Variants in TRIM29 observed in about 807,000 individuals in gnomAD.
TRIM29 encodes the protein tripartite motif containing 29, also known as tripartite motif-containing protein 29.
In TRIM29, 52 loss-of-function variants were observed where a neutral mutation model predicts 57.3. The observed-to-expected ratio is 0.91, with a 90% CI of 0.73 to 1.14. The LOEUF (loss-of-function observed/expected upper bound fraction) is 1.14. TRIM29 is among the 50% of genes most tolerant of loss of function. The pLI, the probability that TRIM29 is intolerant of heterozygous loss-of-function variation, is 0.00. For synonymous variants in TRIM29, 319 were observed against 316.9 expected, an observed-to-expected ratio of 1.01 and a Z score of -0.07; for missense variants, 753 against 774.6, an observed-to-expected ratio of 0.97 and a Z score of 0.33.
chr11:120,137,179 G>A lies in TRIM29; in HGVS notation c.804+49C>T, dbSNP rs372885230. On this transcript the variant is annotated intron_variant, in intron 1 of 8. Coordinates refer to ENST00000341846, the MANE Select transcript of TRIM29 (RefSeq NM_012101.4). The surrounding 1 kb of genome is among the most constrained non-coding windows in gnomAD (Gnocchi z 6.2). ...GGAGAAGATGAAGTTCGGAGGGGTG[G>A]GGTGAGAGAGGAGAGGCCTGGAGGG... The A allele has an allele frequency of 5.0e-6, 8 of 1,593,436 alleles. No homozygotes were observed. In the African/African-American group the frequency reaches 9.4e-5, roughly 19 times the overall value.
chr11:120,124,611 A>T (rs550770935), intron 4 of TRIM29: 35 of 152,314 alleles, frequency 2.3e-4, no homozygotes, highest in African/African-American at 8.4e-4. Flanking sequence ...GCACTCAATC[A>T]TTGTCAGCTG....
chr11:120,116,775 C>T (rs983494991), intron 7 of TRIM29: 13 of 195,716 alleles, frequency 6.6e-5, no homozygotes, highest in Non-Finnish European at 1.1e-5. Context: ...AAGACACCCG[C>T]CTTGTGCAGC....
intron 6 of TRIM29, among the ~76,000 whole-genome samples, chr11:120,120,344 T>TACACACACACAC (rs71050727): frequency 7.2e-6 from 1 of 138,148 alleles, no homozygotes; most frequent in African/African-American, 2.8e-5. Context: ...CCCACACATG[T>TACACACACACAC]ACACACACAC....
At chr11:120,134,736 T>C (rs769108666) in intron 1 of TRIM29, among the ~76,000 whole-genome samples, 22 of 152,208 alleles carry the variant, frequency 1.4e-4, no homozygotes, top group Non-Finnish European at 2.2e-4. Context: ...CCCAATCCCA[T>C]CCCCTTGGGG....
At chr11:120,120,261 C>T (rs556874222) in intron 6 of TRIM29, among the ~76,000 whole-genome samples, 1 of 151,900 alleles carries the variant, frequency 6.6e-6, no homozygotes, top group East Asian at 1.9e-4. Flanking sequence ...ATCAGAAGAG[C>T]ACACAGACTC....
intron 7 of TRIM29, 77 bp downstream of exon 7, chr11:120,118,146 G>A: frequency 7.5e-7 from 1 of 1,331,604 alleles, no homozygotes; most frequent in Non-Finnish European, 1.1e-6. Flanking sequence ...TAGCAGCTCA[G>A]CGAAGAGACC....
chr11:120,113,403 A>AC (rs373238758), intron 8 of TRIM29: 2 of 290,984 alleles, frequency 6.9e-6, no homozygotes, highest in Non-Finnish European at 7.0e-6. Flanking sequence ...GCTGCTGCTC[A>AC]CCCACGCAAG....
At chr11:120,122,131 A>AGTGTGTGTGTGTGTGTGTGT (rs72245071) in intron 5 of TRIM29, 20 of 204,018 alleles carry the variant, frequency 9.8e-5, no homozygotes, top group Non-Finnish European at 6.3e-5. Context: ...TGTGTGTGTG[A>AGTGTGTGTGTGTGTGTGTGT]GTGTGTGTGT....
rs139060050 is a variant in TRIM29, at chr11:120,117,135, G to C, written c.1627+1088C>G. The C allele has an allele frequency of 5.6e-3, 1,692 of 304,334 alleles. 31 individuals carry two copies. Among genetic ancestry groups the C allele is most frequent in the African/African-American group, 0.035 (1,580 of 44,952 alleles). The allele number at this position is 304,334 out of a possible 1,614,324, so 18.9% of individuals were successfully genotyped here. On this transcript the variant is annotated intron_variant, in intron 7 of 8. Coordinates refer to ENST00000341846, the MANE Select transcript of TRIM29 (RefSeq NM_012101.4). The stretch of plus-strand genomic sequence containing the variant: ...AAAAGGACCCACACCTCATTCTGGG[G>C]GCTGCTCTGAATCACACCTGAGAGC...
At chr11:120,134,926 G>T (rs1000181594) in intron 1 of TRIM29, among the ~76,000 whole-genome samples, 10 of 152,168 alleles carry the variant, frequency 6.6e-5, no homozygotes, top group African/African-American at 2.4e-4. Context: ...ACTACGGTTT[G>T]ACGTTAACTT....
intron 1 of TRIM29, among the ~76,000 whole-genome samples, chr11:120,131,459 C>A (rs1246160133): frequency 6.6e-6 from 1 of 152,052 alleles, no homozygotes; most frequent in Non-Finnish European, 1.5e-5. Flanking sequence ...CCTGTGAGGG[C>A]AGGGCCAGAA....
chr11:120,114,321 C>T (rs1478953628), intron 8 of TRIM29, among the ~76,000 whole-genome samples: 1 of 152,224 alleles, frequency 6.6e-6, no homozygotes, highest in Non-Finnish European at 1.5e-5. Context: ...TTTCTGCAGT[C>T]CTGCTGTTGC....
At chr11:120,118,558 G>A (rs1436299432) in intron 6 of TRIM29, among the ~76,000 whole-genome samples, 2 of 152,120 alleles carry the variant, frequency 1.3e-5, no homozygotes, top group African/African-American at 4.8e-5. Context: ...CTCAGAATAA[G>A]GGACAAAGTC....
At chr11:120,122,870 C>T in intron 5 of TRIM29, 84 bp downstream of exon 5, 1 of 1,118,872 alleles carries the variant, frequency 8.9e-7, no homozygotes, top group Non-Finnish European at 1.3e-6. Context: ...CAGAAGGAAC[C>T]TGGCTGAGAG....
chr11:120,130,012 C>G (rs1055933642), intron 1 of TRIM29, among the ~76,000 whole-genome samples: 1 of 152,072 alleles, frequency 6.6e-6, no homozygotes, highest in Non-Finnish European at 1.5e-5. Context: ...GGAGAGAAGC[C>G]AGCAGCCACT....
chr11:120,134,938 T>C (rs1863789137), intron 1 of TRIM29, among the ~76,000 whole-genome samples: 1 of 152,220 alleles, frequency 6.6e-6, no homozygotes, highest in Non-Finnish European at 1.5e-5. Flanking sequence ...CGTTAACTTC[T>C]AGCCGCTCTG....
chr11:120,123,280 G>C, intron 4 of TRIM29: 1 of 685,730 alleles, frequency 1.5e-6, no homozygotes, highest in Non-Finnish European at 2.7e-6. Flanking sequence ...CCACCCTCTT[G>C]AACTAAGCCC....
At chr11:120,119,122 G>A (rs1373182425) in intron 6 of TRIM29, among the ~76,000 whole-genome samples, 1 of 152,208 alleles carries the variant, frequency 6.6e-6, no homozygotes, top group Non-Finnish European at 1.5e-5. Context: ...AAGTTGAATA[G>A]GCTAACACAT....
At chr11:120,129,228 C>T (rs1421835291) in intron 1 of TRIM29, among the ~76,000 whole-genome samples, 1 of 152,116 alleles carries the variant, frequency 6.6e-6, no homozygotes, top group Non-Finnish European at 1.5e-5. Context: ...CACACTGGGA[C>T]ATTAGCTTTC....
Sources: gnomAD v4.1 joint callset for allele counts (sites outside exome capture counted in the v4.1 genomes callset) on GRCh38, gnomAD v4.1.1 for gene constraint, Gnocchi (gnomAD v3.1) non-coding constraint, MANE v1.5 for transcripts, NCBI Gene and HGNC (gene_info 2026-07-23, HGNC 2026-07-21) for gene names.